UBE2Q1: variants seen among roughly 807,000 people sequenced by gnomAD.
UBE2Q1 encodes the protein ubiquitin-conjugating enzyme E2 Q1.
A neutral mutation model predicts 60.1 loss-of-function variants in UBE2Q1; 6 were observed. The observed-to-expected ratio is 0.10, with a 90% confidence interval of 0.05 to 0.20. The LOEUF (loss-of-function observed/expected upper bound fraction) is 0.20, where lower values mean the gene tolerates loss of function less well. Ranked by LOEUF, UBE2Q1 falls within the 10% of genes least tolerant of loss-of-function variation. The probability of loss-of-function intolerance (pLI) is 1.00; values close to 1 mark genes in which losing one functional copy is unlikely to be tolerated. For synonymous variants in UBE2Q1, 226 were observed against 208.3 expected, an observed-to-expected ratio of 1.09 and a Z score of -0.73; for missense variants, 262 against 525.8, an observed-to-expected ratio of 0.50 and a Z score of 4.91.
chr1:154,551,913 C>A lies in UBE2Q1; in HGVS notation c.1025+8G>T. 6.2e-7 allele frequency: 1 copy of A among 1,614,180 alleles called. No individual in the cohort carries two copies. Among genetic ancestry groups the A allele is most frequent in the Non-Finnish European group, 8.5e-7 (1 of 1,180,030 alleles). On this transcript the variant is annotated splice_region_variant and intron_variant, in intron 9 of 12. Coordinates refer to ENST00000292211, the MANE Select transcript of UBE2Q1 (RefSeq NM_017582.7). The stretch of plus-strand genomic sequence containing the variant: ...GGAGATGCCCTCTTCCGCATGCCAG[C>A]CACTCACCCTCCAGAGAGGACTGGA...
At chr1:154,554,609 G>A in intron 4 of UBE2Q1, 126 bp downstream of exon 4, 1 of 1,012,154 alleles carries the variant, frequency 9.9e-7, no homozygotes, top group Non-Finnish European at 1.5e-6. Context: ...CTCCAGGTCA[G>A]TAAATCTGTC....
chr1:154,555,417 C>T lies in UBE2Q1; in HGVS notation c.537+11G>A. On this transcript the variant is annotated intron_variant, in intron 3 of 12. Coordinates refer to ENST00000292211, the MANE Select transcript of UBE2Q1 (RefSeq NM_017582.7). Reference sequence around the variant, plus strand: ...CTGCACAACAGGGCCCGAGGCTCCTCAGCTGCTCACCTGCTCTGCTGGCAA... The same window carrying T: ...CTGCACAACAGGGCCCGAGGCTCCTTAGCTGCTCACCTGCTCTGCTGGCAA... 1 of 1,613,376 alleles carries T rather than the reference C, an allele frequency of 6.2e-7. No individual in the cohort carries two copies. Among genetic ancestry groups the T allele is most frequent in the Non-Finnish European group, 8.5e-7 (1 of 1,179,542 alleles).
chr1:154,557,949 A>G (rs750135743), intron 1 of UBE2Q1, among the ~76,000 whole-genome samples: 1 of 152,044 alleles, frequency 6.6e-6, no homozygotes, highest in Non-Finnish European at 1.5e-5. Context: ...AGCCAAAAAG[A>G]GCCAAAATCA....
chr1:154,553,288 A>AGTCG (rs1695824624), intron 4 of UBE2Q1, 116 bp from the exon 5 acceptor site: 2 of 1,356,672 alleles, frequency 1.5e-6, no homozygotes, highest in Admixed American at 5.2e-5. Flanking sequence ...AAAGTGAAGC[A>AGTCG]GTCCATCTAG....
chr1:154,550,302 C>A lies in UBE2Q1; in HGVS notation c.*136G>T. ...TAGCGTTTAGAATAGCCATCATTGT[C>A]CTGCAATAGGCAGAGCTATCACGTC... On this transcript the variant is annotated 3_prime_UTR_variant, in exon 13 of 13. Transcript: ENST00000292211. The A allele has an allele frequency of 8.7e-7, 1 of 1,153,182 alleles. No individual in the cohort carries two copies. Among genetic ancestry groups the A allele is most frequent in the Non-Finnish European group, 1.3e-6 (1 of 791,212 alleles). The allele number at this position is 1,153,182 out of a possible 1,614,324, so 71.4% of individuals were successfully genotyped here.
chr1:154,554,654 A>T, intron 4 of UBE2Q1, 81 bp downstream of exon 4: 2 of 1,409,246 alleles, frequency 1.4e-6, no homozygotes, highest in Non-Finnish European at 2.0e-6. Context: ...CTCCAGTTTT[A>T]GACTGGAGTT....
At chr1:154,550,657 C>T in intron 12 of UBE2Q1, 188 bp from the exon 13 acceptor site, 3 of 985,194 alleles carry the variant, frequency 3.0e-6, no homozygotes, top group Non-Finnish European at 3.6e-6. Flanking sequence ...AATGATGTGC[C>T]CAACCTGAGA....
Position 154,551,941 on chromosome 1 carries a change from C to G in UBE2Q1, c.1005G>C (p.Val335=), listed in dbSNP as rs1695796452. 8.7e-6 allele frequency: 14 copies of G among 1,614,218 alleles called. No individual in the cohort carries two copies. The highest frequency in any genetic ancestry group is 2.7e-5 in the African/African-American group (2 of 75,050). Residue 335 remains valine, a synonymous_variant, in exon 9 of 13, where the codon GTG becomes GTC. Transcript: ENST00000292211. ...FPFDPPFVRV[V]SPVLSGGYVL... ...CTCACCCTCCAGAGAGGACTGGAGA[C>G]ACAACCCTGACAAATGGTGGGTCAA...
intron 8 of UBE2Q1, 48 bp from the exon 9 acceptor site, chr1:154,552,027 CACAGG>C: frequency 6.2e-7 from 1 of 1,614,006 alleles, no homozygotes; most frequent in Non-Finnish European, 8.5e-7. Flanking sequence ...CAGCATCCTC[CACAGG>C]ACTGTCAGGC....
intron 1 of UBE2Q1, 27 bp downstream of exon 1, chr1:154,558,200 C>A (rs955656293): frequency 1.3e-6 from 2 of 1,500,218 alleles, no homozygotes; most frequent in Non-Finnish European, 8.9e-7. Context: ...GGGGCCCCCA[C>A]AGAGGCGCAC....
At chr1:154,553,376 C>G (rs1463563541) in intron 4 of UBE2Q1, among the ~76,000 whole-genome samples, 1 of 152,242 alleles carries the variant, frequency 6.6e-6, no homozygotes, top group African/African-American at 2.4e-5. Context: ...AAATCTTCAG[C>G]TCTCAAGCTA....
At chr1:154,550,810 G>A (rs1448844845) in intron 12 of UBE2Q1, 128 bp downstream of exon 12, 2 of 1,566,616 alleles carry the variant, frequency 1.3e-6, no homozygotes, top group Non-Finnish European at 1.7e-6. Flanking sequence ...GGAGAACTGG[G>A]GCAGGTGCTG....
At chr1:154,553,250 A>G (rs1339550382) in intron 4 of UBE2Q1, 78 bp from the exon 5 acceptor site, 1 of 1,540,492 alleles carries the variant, frequency 6.5e-7, no homozygotes, top group African/African-American at 1.4e-5. Flanking sequence ...TCACCTTCCC[A>G]GTCCCATTTG....
chr1:154,551,508 G>A lies in UBE2Q1; in HGVS notation c.1075-16C>T, dbSNP rs542756051. ...TGCTCCAGCCCTGGGTGAAGGGAAGGACAAGGCAAGCAGGTCCAGATGGAG... is the reference window on the plus strand; with the variant it reads ...TGCTCCAGCCCTGGGTGAAGGGAAGAACAAGGCAAGCAGGTCCAGATGGAG... On this transcript the variant is annotated splice_polypyrimidine_tract_variant and intron_variant, in intron 10 of 12. Coordinates refer to ENST00000292211, the MANE Select transcript of UBE2Q1 (RefSeq NM_017582.7). 1.9e-5 allele frequency: 31 copies of A among 1,613,028 alleles called. No individual in the cohort carries two copies. The highest frequency in any genetic ancestry group is 2.5e-5 in the Non-Finnish European group (30 of 1,179,080).
Position 154,550,434 on chromosome 1 carries a change from A to G in UBE2Q1, c.*4T>C, listed in dbSNP as rs756683446. ...GGGGAGGGAGGAAGGGTGATACTCC[A>G]GGGTTAGCCGTCTTCTTTTGGGGGT... On this transcript the variant is annotated 3_prime_UTR_variant, in exon 13 of 13. Transcript: ENST00000292211. 49 of 1,614,006 alleles carry G rather than the reference A, an allele frequency of 3.0e-5. No individual in the cohort carries two copies. In the African/African-American group the frequency reaches 6.0e-4, roughly 20 times the overall value.
At chr1:154,556,945 A>T (rs7553602) in intron 1 of UBE2Q1, among the ~76,000 whole-genome samples, 27,223 of 152,144 alleles carry the variant, frequency 0.18, 2,560 homozygotes, top group African/African-American at 0.22. Flanking sequence ...CATTGCCATG[A>T]CTCTAATCCT....
At chr1:154,552,316 T>C (rs932807972) in intron 7 of UBE2Q1, 88 bp downstream of exon 7, 2 of 1,594,372 alleles carry the variant, frequency 1.3e-6, no homozygotes, top group African/African-American at 2.7e-5. Flanking sequence ...ATGAAAATGC[T>C]GGATGGGGCT....
At chr1:154,551,103 TC>T in intron 11 of UBE2Q1, 99 bp from the exon 12 acceptor site, 1 of 1,404,130 alleles carries the variant, frequency 7.1e-7, no homozygotes, top group Non-Finnish European at 1.0e-6. Flanking sequence ...GAGTCCCAGC[TC>T]CCAGCACTGT....
At chr1:154,554,166 G>C (rs770664556) in intron 4 of UBE2Q1, among the ~76,000 whole-genome samples, 1 of 152,172 alleles carries the variant, frequency 6.6e-6, no homozygotes, top group Non-Finnish European at 1.5e-5. Context: ...CGGAAGCTGA[G>C]TCTAGTGAGG....
Sources: gnomAD v4.1 joint callset for allele counts (sites outside exome capture counted in the v4.1 genomes callset) on GRCh38, gnomAD v4.1.1 for gene constraint, MANE v1.5 for transcripts, NCBI Gene and HGNC (gene_info 2026-07-23, HGNC 2026-07-21) for gene names.